CTNNA3: variants seen among roughly 807,000 people sequenced by gnomAD.
The protein encoded by CTNNA3 is catenin alpha 3, also known as catenin alpha-3.
A neutral mutation model predicts 95.7 loss-of-function variants in CTNNA3; 76 were observed. The observed-to-expected ratio is 0.79, with a 90% CI of 0.66 to 0.96. The LOEUF is 0.96. CTNNA3 is among the 40% of genes least tolerant of loss of function. The pLI, the probability that CTNNA3 is intolerant of heterozygous loss-of-function variation, is 0.00. For synonymous variants in CTNNA3, 431 were observed against 374.4 expected (o/e 1.15, Z -1.74); for missense variants, 1,191 against 1,089.8 (o/e 1.09, Z -1.31).
At chr10:66,155,802 GATAC>G (rs1485712500) in intron 13 of CTNNA3, among the ~76,000 whole-genome samples, 2 of 151,766 alleles carry the variant, frequency 1.3e-5, no homozygotes, top group African/African-American at 4.8e-5. Context: ...ATAAAAAGTT[GATAC>G]ATTGAACTAT....
intron 5 of CTNNA3, among the ~76,000 whole-genome samples, chr10:67,348,259 A>G (rs115378944): frequency 0.038 from 5,858 of 152,290 alleles, 130 homozygotes; most frequent in South Asian, 0.096. Context: ...TGAATATCTC[A>G]TCAAAAACAC....
intron 5 of CTNNA3, among the ~76,000 whole-genome samples, chr10:67,413,441 T>C (rs1040500559): frequency 5.3e-5 from 8 of 152,116 alleles, no homozygotes; most frequent in Non-Finnish European, 7.4e-5. Flanking sequence ...CTGAGATTTA[T>C]ACAACAACTT....
intron 1 of CTNNA3, among the ~76,000 whole-genome samples, chr10:67,681,253 A>G (rs951270382): frequency 2.0e-5 from 3 of 152,212 alleles, no homozygotes; most frequent in Non-Finnish European, 4.4e-5. Context: ...ATGGAGAAGG[A>G]TTATTCCTTC....
At chr10:66,642,648 A>AAT (rs200268924) in intron 9 of CTNNA3, among the ~76,000 whole-genome samples, 20 of 151,928 alleles carry the variant, frequency 1.3e-4, no homozygotes, top group South Asian at 1.0e-3. Context: ...CATTTTCAAA[A>AAT]ATATATATAT....
At chr10:66,375,331 C>T (rs76474356) in intron 12 of CTNNA3, among the ~76,000 whole-genome samples, 318 of 151,708 alleles carry the variant, frequency 2.1e-3, no homozygotes, top group African/African-American at 7.3e-3. Flanking sequence ...TATAATGAGA[C>T]AGAGTGGAAG....
At chr10:66,623,674 C>A (rs1844831139) in intron 9 of CTNNA3, among the ~76,000 whole-genome samples, 1 of 151,712 alleles carries the variant, frequency 6.6e-6, no homozygotes, top group Admixed American at 6.6e-5. Flanking sequence ...CATACTTGAA[C>A]TTCTCCTTAC....
At chr10:66,819,460 T>C (rs1842220548) in intron 7 of CTNNA3, among the ~76,000 whole-genome samples, 1 of 152,032 alleles carries the variant, frequency 6.6e-6, no homozygotes, top group Non-Finnish European at 1.5e-5. Context: ...ACATCAAAAG[T>C]ACGAGCAGCG....
intron 5 of CTNNA3, among the ~76,000 whole-genome samples, chr10:67,372,192 A>G (rs888081627): frequency 1.8e-4 from 27 of 151,932 alleles, no homozygotes; most frequent in African/African-American, 6.3e-4. Flanking sequence ...ATTCACTCTG[A>G]TGGTATTTTC....
intron 13 of CTNNA3, among the ~76,000 whole-genome samples, chr10:66,129,522 G>A (rs908822496): frequency 6.6e-6 from 1 of 152,136 alleles, no homozygotes; most frequent in Non-Finnish European, 1.5e-5. Context: ...GCTTCCATAG[G>A]AGACTTTAGC....
chr10:67,080,936 CAAAAA>C (rs58476986), intron 7 of CTNNA3, among the ~76,000 whole-genome samples: 5 of 31,430 alleles, frequency 1.6e-4, no homozygotes, highest in African/African-American at 8.8e-4. Context: ...AAAAAAACAA[CAAAAA>C]AAAAAAAACA....
At chr10:66,729,920 C>T (rs998280274) in intron 9 of CTNNA3, among the ~76,000 whole-genome samples, 8 of 151,202 alleles carry the variant, frequency 5.3e-5, no homozygotes, top group South Asian at 2.1e-4. Flanking sequence ...CTGGCTAATG[C>T]GGTGAAACCC....
chr10:66,580,562 A>G (rs78254074), intron 10 of CTNNA3, among the ~76,000 whole-genome samples: 139 of 151,892 alleles, frequency 9.2e-4, no homozygotes, highest in African/African-American at 3.1e-3. Flanking sequence ...GCTGTCATCT[A>G]TTAAATGTAT....
At chr10:67,446,678 A>T (rs985843244) in intron 5 of CTNNA3, among the ~76,000 whole-genome samples, 4 of 152,204 alleles carry the variant, frequency 2.6e-5, no homozygotes, top group African/African-American at 9.7e-5. Flanking sequence ...TTTCATGACC[A>T]AGGAATGTCT....
intron 7 of CTNNA3, among the ~76,000 whole-genome samples, chr10:66,884,407 A>G (rs1405006286): frequency 6.6e-6 from 1 of 152,138 alleles, no homozygotes; most frequent in African/African-American, 2.4e-5. Flanking sequence ...ATGATTTTCA[A>G]GCCTAGGTGA....
intron 7 of CTNNA3, among the ~76,000 whole-genome samples, chr10:66,835,007 C>T (rs1343064950): frequency 6.6e-6 from 1 of 152,186 alleles, no homozygotes; most frequent in African/African-American, 2.4e-5. Flanking sequence ...GCCATAGACA[C>T]TGCAGTGAGG....
At chr10:66,046,329 G>C (rs7895091) in intron 15 of CTNNA3, among the ~76,000 whole-genome samples, 1,831 of 152,276 alleles carry the variant, frequency 0.012, 32 homozygotes, top group African/African-American at 0.042. Flanking sequence ...TCTTGGAAGA[G>C]CAGCTGCTCA....
intron 7 of CTNNA3, among the ~76,000 whole-genome samples, chr10:66,808,989 T>C (rs1192145595): frequency 6.6e-6 from 1 of 152,200 alleles, no homozygotes; most frequent in Non-Finnish European, 1.5e-5. Context: ...ATGTTATACC[T>C]TGGGCTGTTA....
Position 67,598,769 on chromosome 10 carries a change from A to G in CTNNA3, c.292+8088T>C, listed in dbSNP as rs571253573. On this transcript the variant is annotated intron_variant, in intron 3 of 17. Transcript: ENST00000433211. Reference sequence around the variant, plus strand: ...GTTAGAACTCAAGTAGAAAGCTACCATCTTACTGATTTAAGATGTCACAGG... The same window carrying G: ...GTTAGAACTCAAGTAGAAAGCTACCGTCTTACTGATTTAAGATGTCACAGG... Among the ~76,000 whole-genome samples the G allele has an allele frequency of 1.3e-4, 20 of 152,286 alleles. 1 individual carries two copies. The South Asian group carries it at 4.1e-3, about 32-fold the overall frequency.
chr10:66,340,004 G>A (rs2132350219), intron 12 of CTNNA3, among the ~76,000 whole-genome samples: 1 of 151,698 alleles, frequency 6.6e-6, no homozygotes, highest in Middle Eastern at 3.4e-3. Flanking sequence ...ATACTTATTT[G>A]ACTTCATAAT....
Sources: gnomAD v4.1 joint callset for allele counts (sites outside exome capture counted in the v4.1 genomes callset) on GRCh38, gnomAD v4.1.1 for gene constraint, MANE v1.5 for transcripts, NCBI Gene and HGNC (gene_info 2026-07-23, HGNC 2026-07-21) for gene names.